WDHD1: variants seen among roughly 807,000 people sequenced by gnomAD.
WDHD1 encodes WD repeat and HMG-box DNA binding protein 1.
WDHD1 carries 111 observed loss-of-function variants against 135.4 expected under a neutral mutation model. That is an observed-to-expected ratio of 0.82 (90% CI 0.70 to 0.96). The LOEUF is 0.96. Among genes scored for constraint, WDHD1 ranks in the 40% least tolerant of loss-of-function variants. WDHD1 has a pLI of 0.00. For synonymous variants in WDHD1, 434 were observed against 439.0 expected (o/e 0.99, Z 0.14); for missense variants, 1,351 against 1,336.3 (o/e 1.01, Z -0.17).
At chr14:54,949,444 T>C (rs1019590129) in intron 24 of WDHD1, among the ~76,000 whole-genome samples, 6 of 151,776 alleles carry the variant, frequency 4.0e-5, no homozygotes, top group Non-Finnish European at 7.4e-5. Context: ...AGAAGAAAAG[T>C]TTAGAGAAAA....
intron 12 of WDHD1, among the ~76,000 whole-genome samples, chr14:54,990,057 G>A (rs896671209): frequency 6.6e-6 from 1 of 151,906 alleles, no homozygotes; most frequent in African/African-American, 2.4e-5. Context: ...AATAAAATTA[G>A]TGCCAATATT....
chr14:54,953,021 C>A, intron 24 of WDHD1, among the ~76,000 whole-genome samples: 1 of 152,094 alleles, frequency 6.6e-6, no homozygotes, highest in East Asian at 1.9e-4. Context: ...CCATAAAAAC[C>A]CCAGAAGAAA....
In WDHD1 at chr14:54,941,413, G is replaced by A. The variant is rs1167712539; in HGVS notation, c.*77C>T. 29 of 1,225,332 alleles carry A rather than the reference G, an allele frequency of 2.4e-5. No homozygotes were observed. The highest frequency in any genetic ancestry group is 7.9e-6 in the Non-Finnish European group (7 of 888,980). The allele number at this position is 1,225,332 out of a possible 1,614,324, so 75.9% of individuals were successfully genotyped here. ...TCTTTAAAAAATATATATATAATGA[G>A]TTTCCCAAAGACTCGAGTCTATATT... On this transcript the variant is annotated 3_prime_UTR_variant, in exon 26 of 26. Transcript: ENST00000360586.
intron 16 of WDHD1, among the ~76,000 whole-genome samples, chr14:54,973,660 A>G (rs1168296161): frequency 6.6e-6 from 1 of 152,214 alleles, no homozygotes; most frequent in African/African-American, 2.4e-5. Flanking sequence ...GAAAAAGAGC[A>G]TGTGCATTCA....
At chr14:54,974,979 T>G (rs2041501170) in intron 16 of WDHD1, among the ~76,000 whole-genome samples, 1 of 152,178 alleles carries the variant, frequency 6.6e-6, no homozygotes, top group Non-Finnish European at 1.5e-5. Flanking sequence ...AAGCACTTAT[T>G]TGGGAGTAGC....
Position 55,013,540 on chromosome 14 carries a change from T to C in WDHD1, c.134A>G (p.Asp45Gly). 1 of 1,614,124 alleles carries C rather than the reference T, an allele frequency of 6.2e-7. No homozygotes were observed. Among genetic ancestry groups the C allele is most frequent in the Non-Finnish European group, 8.5e-7 (1 of 1,180,018 alleles). ...AACATTAATGAACTTAGGATCATCA[T>C]CATCCAAGTCTTCCCAAATCCTCAC... ...GDVRIWEDLD[D>G]DDPKFINVGE... The change falls in exon 3 of 26, where the codon GAT becomes GGT. Residue 45 changes from aspartate to glycine, a missense_variant. By Grantham distance (94) the Asp-to-Gly change is moderately conservative (BLOSUM62 -1). Around this residue, in one of 2 missense-constraint regions of WDHD1, gnomAD observed 1,330 missense variants for 1,296.1 expected, o/e 1.03. Transcript: ENST00000360586.
Position 54,944,444 on chromosome 14 carries a change from A to T in WDHD1, c.3077T>A (p.Leu1026Ter), listed in dbSNP as rs774936839. 1 of 1,601,490 alleles carries T rather than the reference A, an allele frequency of 6.2e-7. No individual in the cohort carries two copies. The highest frequency in any genetic ancestry group is 8.5e-7 in the Non-Finnish European group (1 of 1,177,378). Residue 1026 changes from leucine to a stop codon, truncating the protein, a stop_gained, in exon 25 of 26, where the codon TTA becomes TAA. Coordinates refer to ENST00000360586, the MANE Select transcript of WDHD1 (RefSeq NM_007086.4). LOFTEE classifies it high-confidence loss of function. Reference sequence around the variant, plus strand: ...CAAAATATTACTTCTATTTTCTTCTAACCACATCTGGAACCCGGTCTTTGG... The same window carrying T: ...CAAAATATTACTTCTATTTTCTTCTTACCACATCTGGAACCCGGTCTTTGG... The part of the protein sequence containing the change: ...QRPKTGFQMW[L>*]EENRSNILSD...
In WDHD1 at chr14:54,963,357, T is replaced by C. The variant is rs758823127; in HGVS notation, c.2311-185A>G. On this transcript the variant is annotated intron_variant, in intron 18 of 25. Transcript: ENST00000360586. ...TGGAATTACAATTAATTACAATTAA[T>C]GGTGGGTCAGTTTGGCAGCATTTTT... Among the ~76,000 whole-genome samples the C allele has an allele frequency of 6.0e-4, 92 of 152,158 alleles. 1 individual carries two copies. Among genetic ancestry groups the C allele is most frequent in the Non-Finnish European group, 3.1e-4 (21 of 68,046 alleles).
intron 14 of WDHD1, among the ~76,000 whole-genome samples, chr14:54,986,426 C>T (rs1051010198): frequency 6.6e-6 from 1 of 152,104 alleles, no homozygotes; most frequent in South Asian, 2.1e-4. Context: ...CCTCGGCCTC[C>T]CAAAGTGCTG....
At chr14:54,969,275 C>T (rs1386885362) in intron 16 of WDHD1, among the ~76,000 whole-genome samples, 1 of 151,514 alleles carries the variant, frequency 6.6e-6, no homozygotes, top group Non-Finnish European at 1.5e-5. Flanking sequence ...ATCCGCCCGC[C>T]TATGCCTCCC....
chr14:55,026,851 G>C, intron 1 of WDHD1, 48 bp from the exon 2 acceptor site: 2 of 1,587,426 alleles, frequency 1.3e-6, no homozygotes, highest in Non-Finnish European at 1.7e-6. Context: ...AAAGAGAAAA[G>C]CAGCGAGGCT....
At chr14:54,971,333 T>C (rs891380491) in intron 16 of WDHD1, among the ~76,000 whole-genome samples, 3 of 152,040 alleles carry the variant, frequency 2.0e-5, no homozygotes, top group Non-Finnish European at 4.4e-5. Flanking sequence ...TCCCAGCACT[T>C]TGGGAGGCCA....
chr14:55,000,344 A>G (rs906754455), intron 10 of WDHD1, among the ~76,000 whole-genome samples, 159 bp downstream of exon 10: 4 of 152,236 alleles, frequency 2.6e-5, no homozygotes, highest in African/African-American at 9.6e-5. Context: ...ATCAGGTTGA[A>G]CAAGTAAGAA....
intron 7 of WDHD1, among the ~76,000 whole-genome samples, chr14:55,003,587 C>CTATATATA (rs140023951): frequency 0.19 from 27,293 of 143,494 alleles, 2,998 homozygotes; most frequent in Admixed American, 0.22. Flanking sequence ...GAAAAACGAA[C>CTATATATA]TATATATATA....
Position 54,967,394 on chromosome 14 carries a change from C to A in WDHD1, c.2064G>T (p.Arg688Ser), listed in dbSNP as rs1329208157. 1 of 1,590,106 alleles carries A rather than the reference C, an allele frequency of 6.3e-7. No homozygotes were observed. Among genetic ancestry groups the A allele is most frequent in the South Asian group, 1.2e-5 (1 of 86,604 alleles). Residue 688 changes from arginine (R) to serine (S), a missense_variant and splice_region_variant, in exon 17 of 26, where the codon AGG (arginine) becomes AGT (serine). Around this residue, in one of 2 missense-constraint regions of WDHD1, gnomAD observed 1,330 missense variants for 1,296.1 expected, o/e 1.03. Coordinates refer to ENST00000360586, the MANE Select transcript of WDHD1 (RefSeq NM_007086.4). ...VGIHENPQQL[R>S]CIPCKGSRFP... ...ACCGAGAACCTTTACAAGGAATGCA[C>A]CTGTTAGTAAAGAAAAGTTCCATCA...
At chr14:54,976,583 C>T (rs1419398809) in intron 16 of WDHD1, among the ~76,000 whole-genome samples, 1 of 152,146 alleles carries the variant, frequency 6.6e-6, no homozygotes, top group Non-Finnish European at 1.5e-5. Flanking sequence ...GAATTTTATT[C>T]CCCGAACTTC....
Position 54,963,030 on chromosome 14 carries a change from T to C in WDHD1, c.2453A>G (p.Glu818Gly), listed in dbSNP as rs765161014. 3.0e-5 allele frequency: 49 copies of C among 1,613,902 alleles called. No homozygotes were observed. The highest frequency in any genetic ancestry group is 4.1e-5 in the Non-Finnish European group (48 of 1,180,004). The change falls in exon 19 of 26, where the codon GAG becomes GGG. Residue 818 changes from glutamate (E) to glycine (G), a missense_variant. Glu to Gly is a moderately conservative substitution (Grantham distance 98). Transcript: ENST00000360586. Reference protein sequence around the residue: ...LAQKLSELAVEKAAELTATQV... With the variant: ...LAQKLSELAVGKAAELTATQV... ...GGTTGCTGTCAATTCGGCTGCCTTC[T>C]CTACAGCCAGTTCACTTAGTTTTTG...
chr14:54,944,997 T>C lies in WDHD1; in HGVS notation c.3051-527A>G, dbSNP rs115080665. ...AATTCAAAAGGATCACTCACGTTTG[T>C]ATTTTCCAAGTGCAGCAACCATGAA... On this transcript the variant is annotated intron_variant, in intron 24 of 25. Transcript: ENST00000360586. Among the ~76,000 whole-genome samples the C allele has an allele frequency of 3.3e-3, 496 of 152,342 alleles. 3 individuals are homozygous for C. Among genetic ancestry groups the C allele is most frequent in the Middle Eastern group, 0.01 (3 of 294 alleles).
intron 24 of WDHD1, among the ~76,000 whole-genome samples, chr14:54,944,861 G>A (rs1438753249): frequency 6.6e-6 from 1 of 152,028 alleles, no homozygotes; most frequent in Admixed American, 6.6e-5. Flanking sequence ...GCCCGCCTCG[G>A]CTTCCCAAAC....
Sources: allele counts gnomAD v4.1 joint callset (sites outside exome capture counted in the v4.1 genomes callset), GRCh38; gene constraint gnomAD v4.1.1; regional missense constraint gnomAD v4.1.1; transcripts MANE v1.5; gene names NCBI Gene and HGNC (gene_info 2026-07-23, HGNC 2026-07-21).